The following CEP63 variants were observed in gnomAD, a reference collection of about 807,000 sequenced individuals.
CEP63 encodes centrosomal protein of 63 kDa.
Under a neutral mutation model 89.1 loss-of-function variants are expected in CEP63, and 84 were observed. That is an observed-to-expected ratio of 0.94 (90% CI 0.79 to 1.13). The LOEUF (loss-of-function observed/expected upper bound fraction) is 1.13. Among genes scored for constraint, CEP63 ranks in the 50% most tolerant of loss-of-function variants. The pLI is 0.00. For synonymous variants in CEP63, 267 were observed against 272.5 expected, an observed-to-expected ratio of 0.98 and a Z score of 0.20; for missense variants, 838 against 813.3, an observed-to-expected ratio of 1.03 and a Z score of -0.37.
At position 134,555,722 on chromosome 3, in the gene CEP63, C is replaced by A. The variant is rs1456279048; in HGVS notation, c.1468-2420C>A. On this transcript the variant is annotated intron_variant, in intron 12 of 14. Coordinates refer to ENST00000675561, the MANE Select transcript of CEP63 (RefSeq NM_001353108.3). ...CCCAAGGTAATTTACAGATTCAATGCCATCCCCATCAAGCTACCAATGCCT... is the reference window on the plus strand; with the variant it reads ...CCCAAGGTAATTTACAGATTCAATGACATCCCCATCAAGCTACCAATGCCT... 5.9e-5 allele frequency among the ~76,000 whole-genome samples: 9 copies of A among 151,586 alleles called. No individual in the cohort carries two copies. The East Asian group carries it at 7.7e-4, about 13-fold the overall frequency.
the CEP63 span, among the ~76,000 whole-genome samples, chr3:134,617,048 G>A: frequency 2.0e-5 from 3 of 152,094 alleles, no homozygotes. Context: ...TTTAACTTTG[G>A]CACTCCTTCT....
At chr3:134,529,854 G>A (rs367992106) in intron 3 of CEP63, among the ~76,000 whole-genome samples, 32 of 141,978 alleles carry the variant, frequency 2.3e-4, no homozygotes, top group African/African-American at 7.3e-4. Context: ...TGTTTACCAA[G>A]TCAAGGTTAA....
At chr3:134,537,052 C>T (rs557222483) in intron 5 of CEP63, 103 bp from the exon 6 acceptor site, 37 of 785,352 alleles carry the variant, frequency 4.7e-5, no homozygotes, top group African/African-American at 3.4e-4. Flanking sequence ...AAGGTGCAAG[C>T]GTACCCAGGG....
the CEP63 span, among the ~76,000 whole-genome samples, chr3:134,699,645 A>G: frequency 1.3e-5 from 2 of 152,128 alleles, no homozygotes; most frequent in Non-Finnish European, 2.9e-5. Context: ...TCACGGTTCT[A>G]TGTGGGAATG....
At chr3:134,586,971 A>G in intron 10 of CEP63, among the ~76,000 whole-genome samples, 1 of 151,938 alleles carries the variant, frequency 6.6e-6, no homozygotes, top group African/African-American at 2.4e-5. Flanking sequence ...CCTTTCTTCC[A>G]CTTGATCGAA....
chr3:134,613,386 C>T, the CEP63 span, among the ~76,000 whole-genome samples: 1 of 152,144 alleles, frequency 6.6e-6, no homozygotes, highest in Non-Finnish European at 1.5e-5. Flanking sequence ...GGAGCAGCAG[C>T]GAGAGCCTGC....
Position 134,558,075 on chromosome 3 carries a change from C to T in CEP63, c.1468-67C>T, listed in dbSNP as rs1003165626. 2.9e-6 allele frequency: 4 copies of T among 1,356,904 alleles called. No homozygotes were observed. The African/African-American group carries it at 5.8e-5, about 20-fold the overall frequency. The allele number at this position is 1,356,904 out of a possible 1,614,324, so 84.1% of individuals were successfully genotyped here. ...AACTAAAAAACACTGAATTTTCCAA[C>T]CAGCAGTATCACAGATCACAGGTAT... On this transcript the variant is annotated intron_variant, in intron 12 of 14. Coordinates refer to ENST00000675561, the MANE Select transcript of CEP63 (RefSeq NM_001353108.3).
chr3:134,549,621 T>C (rs999039318), intron 10 of CEP63, among the ~76,000 whole-genome samples: 7 of 152,118 alleles, frequency 4.6e-5, no homozygotes, highest in African/African-American at 1.7e-4. Flanking sequence ...GAATGGGCCC[T>C]AACTGTCCTA....
the CEP63 span, among the ~76,000 whole-genome samples, chr3:134,663,327 G>A: frequency 6.6e-5 from 10 of 152,294 alleles, no homozygotes; most frequent in Non-Finnish European, 1.5e-4. Flanking sequence ...GTTTAGGTAG[G>A]TGGCTCAAGT....
Position 134,486,075 on chromosome 3 carries a change from A to C in CEP63, c.-153A>C. On this transcript the variant is annotated 5_prime_UTR_variant, in exon 1 of 15. Coordinates refer to ENST00000675561, the MANE Select transcript of CEP63 (RefSeq NM_001353108.3). ...TGGGTGAGTTCATTTGCTCGCGTGC[A>C]GGGGAAGTCTGGAGAAGGCATTGTT... 1.0e-6 allele frequency: 1 copy of C among 984,872 alleles called. No homozygotes were observed. The allele number at this position is 984,872 out of a possible 1,614,324, so 61.0% of individuals were successfully genotyped here. A position where few individuals can be genotyped will look rare whatever the true frequency, so the allele number is the denominator to read the frequency against.
the CEP63 span, chr3:134,647,356 C>A: frequency 1.7e-6 from 2 of 1,184,942 alleles, no homozygotes; most frequent in Non-Finnish European, 2.5e-6. Context: ...GGCTAGTCTT[C>A]AAATGAGTGA....
At position 134,559,258 on chromosome 3, in the gene CEP63, G is replaced by C. The variant is rs1956885083; in HGVS notation, c.1782G>C (p.Arg594Ser). The C allele has an allele frequency of 6.2e-7, 1 of 1,613,980 alleles. No homozygotes were observed. Among genetic ancestry groups the C allele is most frequent in the African/African-American group, 1.3e-5 (1 of 74,900 alleles). ...QASDSINPMS[R>S]VLSPLSPQIS... ...CGGATAGTATAAACCCCATGTCTAG[G>C]GTGCTAAGCCCCCTGAGTCCTCAAA... The change falls in exon 14 of 15, where the codon AGG (arginine) becomes AGC (serine). Residue 594 changes from arginine to serine, a missense_variant. Physicochemically the swap from Arg to Ser is moderately radical, Grantham distance 110 (BLOSUM62 -1). Transcript: ENST00000675561.
At chr3:134,728,007 G>A in the CEP63 span, among the ~76,000 whole-genome samples, 2 of 151,970 alleles carry the variant, frequency 1.3e-5, no homozygotes, top group South Asian at 4.2e-4. Flanking sequence ...AAAACTATAA[G>A]GTATAGAAGA....
chr3:134,760,746 G>A, the CEP63 span, among the ~76,000 whole-genome samples: 6 of 152,156 alleles, frequency 3.9e-5, no homozygotes, highest in African/African-American at 7.2e-5. Context: ...AAACATTCAC[G>A]TGCTCTTGGC....
the CEP63 span, among the ~76,000 whole-genome samples, chr3:134,683,810 A>C: frequency 6.6e-6 from 1 of 152,032 alleles, no homozygotes; most frequent in African/African-American, 2.4e-5. Flanking sequence ...AGCAGACAAA[A>C]GATCCTCCCC....
intron 2 of CEP63, among the ~76,000 whole-genome samples, chr3:134,495,750 C>T (rs1024838382): frequency 2.5e-4 from 38 of 152,180 alleles, no homozygotes; most frequent in Admixed American, 2.3e-3. Context: ...CCTTCCCAGC[C>T]TCTGGTAACC....
chr3:134,738,743 A>T, the CEP63 span, among the ~76,000 whole-genome samples: 1 of 152,312 alleles, frequency 6.6e-6, no homozygotes, highest in Non-Finnish European at 1.5e-5. Context: ...ACCAAACACC[A>T]CCTGTACCCC....
chr3:134,488,743 T>A (rs1936573991), intron 1 of CEP63, among the ~76,000 whole-genome samples: 1 of 152,242 alleles, frequency 6.6e-6, no homozygotes, highest in Non-Finnish European at 1.5e-5. Flanking sequence ...AACAGGTCCC[T>A]GGTGCCAAAA....
chr3:134,504,890 A>G (rs544836246), intron 2 of CEP63, among the ~76,000 whole-genome samples: 2 of 151,500 alleles, frequency 1.3e-5, no homozygotes, highest in Non-Finnish European at 2.9e-5. Flanking sequence ...ACTTGTTTTT[A>G]CTCTGTTGTT....
Sources: allele counts gnomAD v4.1 joint callset (sites outside exome capture counted in the v4.1 genomes callset), GRCh38; gene constraint gnomAD v4.1.1; transcripts MANE v1.5; gene names NCBI Gene and HGNC (gene_info 2026-07-23, HGNC 2026-07-21).